SLC35G2: variants seen among roughly 807,000 people sequenced by gnomAD.
The protein encoded by SLC35G2 is transmembrane protein 22.
SLC35G2 carries 20 observed loss-of-function variants against 27.2 expected under a neutral mutation model. That is an observed-to-expected ratio of 0.74 (90% CI 0.52 to 1.07). SLC35G2 has a LOEUF of 1.07. Among genes scored for constraint, SLC35G2 ranks in the 50% least tolerant of loss-of-function variants. SLC35G2 has a pLI of 0.00. For missense variants in SLC35G2, 416 were observed against 493.3 expected, an observed-to-expected ratio of 0.84 and a Z score of 1.48; for synonymous variants, 148 against 165.3, an observed-to-expected ratio of 0.90 and a Z score of 0.80.
chr3:136,830,485 G>A (rs890182298), intron 1 of SLC35G2, among the ~76,000 whole-genome samples: 4 of 152,060 alleles, frequency 2.6e-5, no homozygotes, highest in Non-Finnish European at 5.9e-5. Context: ...GGGTTTCACC[G>A]CGTTAGCCAG....
At chr3:136,833,524 C>T (rs1381599565) in intron 1 of SLC35G2, among the ~76,000 whole-genome samples, 1 of 151,996 alleles carries the variant, frequency 6.6e-6, no homozygotes, top group Non-Finnish European at 1.5e-5. Flanking sequence ...TGGAAGGAGT[C>T]GGCGGGTGGG....
Position 136,832,309 on chromosome 3 carries a change from C to T in SLC35G2, c.-19+12681C>T, listed in dbSNP as rs539785342. On this transcript the variant is annotated intron_variant, in intron 1 of 1. Transcript: ENST00000446465. The stretch of plus-strand genomic sequence containing the variant: ...GATTACAGGTGTGAGCCACCATGCC[C>T]AGCTCATTCTTCTAATCTAGAAGTT... 4.5e-4 allele frequency among the ~76,000 whole-genome samples: 68 copies of T among 152,308 alleles called. 1 individual carries two copies. Among genetic ancestry groups the T allele is most frequent in the African/African-American group, 1.5e-3 (63 of 41,570 alleles).
intron 1 of SLC35G2, among the ~76,000 whole-genome samples, chr3:136,851,496 CAAAAAAAAAAA>C (rs11427657): frequency 3.0e-5 from 2 of 66,520 alleles, no homozygotes; most frequent in Non-Finnish European, 5.4e-5. Flanking sequence ...GACTCCGTCT[CAAAAAAAAAAA>C]AAAAAAAAAA....
chr3:136,827,399 C>T (rs1431148161), intron 1 of SLC35G2, among the ~76,000 whole-genome samples: 2 of 151,480 alleles, frequency 1.3e-5, no homozygotes, highest in African/African-American at 2.4e-5. Context: ...TTTTTTATAG[C>T]GATGAGGTTT....
intron 1 of SLC35G2, among the ~76,000 whole-genome samples, chr3:136,840,936 T>G (rs1202645661): frequency 1.3e-5 from 2 of 150,622 alleles, no homozygotes; most frequent in Non-Finnish European, 3.0e-5. Context: ...TTTTTTTTTT[T>G]TTTTTTTCTT....
intron 1 of SLC35G2, chr3:136,838,575 TTATG>T (rs1936965117): frequency 6.6e-6 from 1 of 152,196 alleles, no homozygotes; most frequent in Non-Finnish European, 1.5e-5. Context: ...GAAGAATCAG[TTATG>T]ATTAAGCCAA....
rs1937865610 is a variant in SLC35G2 at position 136,854,523 on chromosome 3, A to G, written c.63A>G (p.Thr21=). 1 of 1,607,048 alleles carries G rather than the reference A, an allele frequency of 6.2e-7. No individual in the cohort carries two copies. Among genetic ancestry groups the G allele is most frequent in the Non-Finnish European group, 8.5e-7 (1 of 1,177,272 alleles). ...AACGGGTGAAAATACATCCCAACAC[A>G]GTGATGGTGAAATATACTTCTCATT... is the stretch of plus-strand genomic sequence containing the variant. ...VKKRVKIHPN[T]VMVKYTSHYP... The change falls in exon 2 of 2, where the codon ACA becomes ACG. Residue 21 remains threonine (T), a synonymous_variant. Coordinates refer to ENST00000446465, the MANE Select transcript of SLC35G2 (RefSeq NM_025246.3).
chr3:136,844,488 CAA>C (rs1282328235), intron 1 of SLC35G2, among the ~76,000 whole-genome samples: 6 of 79,816 alleles, frequency 7.5e-5, no homozygotes, highest in Admixed American at 1.5e-4. Context: ...GACTCCGTCT[CAA>C]AAAAAAAAAA....
chr3:136,821,702 G>C (rs1560008690), intron 1 of SLC35G2, among the ~76,000 whole-genome samples: 1 of 152,204 alleles, frequency 6.6e-6, no homozygotes, highest in Admixed American at 6.6e-5. Flanking sequence ...AAAGTGCCAG[G>C]ATTACAGGCG....
intron 1 of SLC35G2, among the ~76,000 whole-genome samples, chr3:136,832,249 C>T (rs1176889414): frequency 6.6e-6 from 1 of 152,162 alleles, no homozygotes; most frequent in Non-Finnish European, 1.5e-5. Context: ...CTTCTGACCT[C>T]GTGATCCACC....
chr3:136,846,763 T>C (rs1937397678), intron 1 of SLC35G2, among the ~76,000 whole-genome samples: 1 of 152,080 alleles, frequency 6.6e-6, no homozygotes, highest in Non-Finnish European at 1.5e-5. Context: ...TGTCAAAAGA[T>C]CCCCAAAATT....
intron 1 of SLC35G2, among the ~76,000 whole-genome samples, chr3:136,826,711 A>C (rs1174355847): frequency 6.6e-6 from 1 of 151,894 alleles, no homozygotes; most frequent in African/African-American, 2.4e-5. Flanking sequence ...GTCGTGATGC[A>C]CTGCAACCTC....
At chr3:136,845,244 T>C (rs535692147) in intron 1 of SLC35G2, among the ~76,000 whole-genome samples, 1 of 152,230 alleles carries the variant, frequency 6.6e-6, no homozygotes. Flanking sequence ...AATGAACATA[T>C]ATTGCTTTTG....
At chr3:136,844,433 G>A (rs1937261841) in intron 1 of SLC35G2, among the ~76,000 whole-genome samples, 1 of 151,012 alleles carries the variant, frequency 6.6e-6, no homozygotes, top group African/African-American at 2.4e-5. Flanking sequence ...AGGTTGCAGT[G>A]AGCTGAGATT....
At chr3:136,824,291 A>C (rs1936533100) in intron 1 of SLC35G2, among the ~76,000 whole-genome samples, 1 of 152,132 alleles carries the variant, frequency 6.6e-6, no homozygotes, top group Non-Finnish European at 1.5e-5. Context: ...AATTTCATTA[A>C]ATCTATAGAT....
chr3:136,849,880 G>A (rs950273947), intron 1 of SLC35G2, among the ~76,000 whole-genome samples: 7 of 151,016 alleles, frequency 4.6e-5, no homozygotes, highest in South Asian at 2.1e-4. Flanking sequence ...CGCGGCGGGC[G>A]GATCACTTGA....
At chr3:136,841,763 A>ATAAATAAC (rs2108014883) in intron 1 of SLC35G2, 1 of 151,666 alleles carries the variant, frequency 6.6e-6, no homozygotes, top group East Asian at 1.9e-4. Context: ...AAATAAATAA[A>ATAAATAAC]TAAATAAATA....
chr3:136,825,702 T>C (rs982896680), intron 1 of SLC35G2, among the ~76,000 whole-genome samples: 1 of 152,242 alleles, frequency 6.6e-6, no homozygotes, highest in African/African-American at 2.4e-5. Context: ...ATTTATCACA[T>C]TGATTGATTC....
At chr3:136,829,489 G>C (rs554297848) in intron 1 of SLC35G2, among the ~76,000 whole-genome samples, 13 of 152,042 alleles carry the variant, frequency 8.6e-5, no homozygotes, top group Non-Finnish European at 1.8e-4. Context: ...CAAAGTGCTG[G>C]GATTACAGGT....
Sources: allele counts gnomAD v4.1 joint callset (sites outside exome capture counted in the v4.1 genomes callset), GRCh38; gene constraint gnomAD v4.1.1; transcripts MANE v1.5; gene names NCBI Gene and HGNC (gene_info 2026-07-23, HGNC 2026-07-21).